KHDRBS3: variants seen among roughly 807,000 people sequenced by gnomAD.
KHDRBS3 encodes KH domain-containing, RNA-binding, signal transduction-associated protein 3.
KHDRBS3 carries 23 observed loss-of-function variants against 45.6 expected under a neutral mutation model. The observed-to-expected ratio is 0.50, with a 90% confidence interval of 0.36 to 0.72. The LOEUF is 0.72. Ranked by LOEUF, KHDRBS3 falls within the 30% of genes least tolerant of loss-of-function variation. KHDRBS3 has a pLI of 0.00. For synonymous variants in KHDRBS3, 162 were observed against 156.5 expected (o/e 1.04, Z -0.26); for missense variants, 352 against 424.8 (o/e 0.83, Z 1.51).
Position 135,578,523 on chromosome 8 carries a change from C to A in KHDRBS3, c.612-3355C>A, listed in dbSNP as rs979756965. Among the ~76,000 whole-genome samples, 14 of 151,920 alleles carry A rather than the reference C, an allele frequency of 9.2e-5. 1 individual carries two copies. The highest frequency in any genetic ancestry group is 8.5e-4 in the Admixed American group (13 of 15,254). ...TTGTCTTTGCTCCTTTGTCAGTAATCAGTTGACTGTATTTCTGAGGGTCAG... is the reference window on the plus strand; with the variant it reads ...TTGTCTTTGCTCCTTTGTCAGTAATAAGTTGACTGTATTTCTGAGGGTCAG... On this transcript the variant is annotated intron_variant, in intron 5 of 8. Transcript: ENST00000355849.
intron 7 of KHDRBS3, chr8:135,625,365 C>T: frequency 1.1e-6 from 1 of 901,266 alleles, no homozygotes; most frequent in Non-Finnish European, 1.9e-6. Context: ...TCCAAGTCTT[C>T]AACGGTAAGT....
At chr8:135,523,244 A>G (rs752874094) in intron 2 of KHDRBS3, among the ~76,000 whole-genome samples, 3 of 152,200 alleles carry the variant, frequency 2.0e-5, no homozygotes, top group Admixed American at 6.5e-5. Context: ...CTGTTGAGCA[A>G]TTTGTGGGAG....
intron 7 of KHDRBS3, among the ~76,000 whole-genome samples, chr8:135,637,597 C>T (rs1329356777): frequency 1.3e-5 from 2 of 152,036 alleles, no homozygotes; most frequent in African/African-American, 2.4e-5. Flanking sequence ...ATTTACTACC[C>T]CTTCGCCCAC....
intron 7 of KHDRBS3, chr8:135,625,415 C>G: frequency 1.3e-6 from 1 of 777,950 alleles, no homozygotes; most frequent in Non-Finnish European, 2.3e-6. Context: ...GCTGCCTCAT[C>G]GTGCCCATTG....
At chr8:135,584,776 T>C (rs1466719332) in intron 6 of KHDRBS3, among the ~76,000 whole-genome samples, 1 of 152,172 alleles carries the variant, frequency 6.6e-6, no homozygotes, top group Non-Finnish European at 1.5e-5. Flanking sequence ...AGTTTTCTAC[T>C]TCCAACTTTT....
At chr8:135,553,402 G>A (rs1019269073) in intron 4 of KHDRBS3, among the ~76,000 whole-genome samples, 2 of 151,464 alleles carry the variant, frequency 1.3e-5, no homozygotes, top group African/African-American at 2.4e-5. Flanking sequence ...GAAGTCGCAT[G>A]TCCTATTAGT....
In KHDRBS3 at chr8:135,590,611, T is replaced by C. The variant is rs112800348; in HGVS notation, c.807+8538T>C. Among the ~76,000 whole-genome samples the C allele has an allele frequency of 4.3e-3, 648 of 152,314 alleles. 11 individuals are homozygous for C. The highest frequency in any genetic ancestry group is 0.014 in the African/African-American group (590 of 41,570). Reference sequence around the variant, plus strand: ...GTTTTCATCAAATAGAAACCTTTAATTGAAAAGTAAGTTACAGAATAAACA... The same window carrying C: ...GTTTTCATCAAATAGAAACCTTTAACTGAAAAGTAAGTTACAGAATAAACA... On this transcript the variant is annotated intron_variant, in intron 6 of 8. Coordinates refer to ENST00000355849, the MANE Select transcript of KHDRBS3 (RefSeq NM_006558.3).
In KHDRBS3 at chr8:135,647,242, G is replaced by GAAT; in HGVS notation, c.*158_*159insAAT. ...CTACTTTGTTGAAACATCAACCTGG[G>GAAT]CAGAAAAAAAAAAAAAAAGACATGT... is the stretch of plus-strand genomic sequence containing the variant. On this transcript the variant is annotated 3_prime_UTR_variant, in exon 9 of 9. Coordinates refer to ENST00000355849, the MANE Select transcript of KHDRBS3 (RefSeq NM_006558.3). 1.7e-5 allele frequency: 3 copies of GAAT among 172,568 alleles called. No homozygotes were observed. The highest frequency in any genetic ancestry group is 1.9e-5 in the Non-Finnish European group (2 of 105,248). 10.7% of individuals were successfully genotyped at this position (172,568 alleles called of 1,614,324 possible).
chr8:135,458,748 T>A, intron 1 of KHDRBS3: 1 of 411,152 alleles, frequency 2.4e-6, no homozygotes, highest in South Asian at 1.8e-5. Flanking sequence ...GTGAAGGGAG[T>A]CCTTGCCATT....
intron 7 of KHDRBS3, among the ~76,000 whole-genome samples, chr8:135,637,482 G>A (rs937185945): frequency 3.9e-5 from 6 of 152,030 alleles, no homozygotes; most frequent in African/African-American, 9.7e-5. Context: ...TTATCATGAC[G>A]ATTACAGATA....
At chr8:135,566,506 T>C (rs1232466735) in intron 5 of KHDRBS3, among the ~76,000 whole-genome samples, 1 of 152,078 alleles carries the variant, frequency 6.6e-6, no homozygotes, top group East Asian at 1.9e-4. Context: ...AGTAGATCAG[T>C]TGATGAAAGA....
rs11993104 is a variant in KHDRBS3, at chr8:135,618,007, G to T, written c.890+10970G>T. 2.8e-4 allele frequency among the ~76,000 whole-genome samples: 42 copies of T among 152,116 alleles called. No homozygotes were observed. In the East Asian group the frequency reaches 8.0e-3, roughly 29 times the overall value. On this transcript the variant is annotated intron_variant, in intron 7 of 8. Transcript: ENST00000355849. ...GTCGGTGCCTGAATTCCCCAGAATC[G>T]ATTCATACCTCATTGTTAGACTCAC... is the stretch of plus-strand genomic sequence containing the variant.
chr8:135,590,223 C>T (rs373279544), intron 6 of KHDRBS3, among the ~76,000 whole-genome samples: 2 of 152,118 alleles, frequency 1.3e-5, no homozygotes, highest in South Asian at 2.1e-4. Context: ...TGTCTGTAAA[C>T]GTGTCTAAAC....
At chr8:135,572,624 A>G (rs1827757504) in intron 5 of KHDRBS3, among the ~76,000 whole-genome samples, 1 of 152,254 alleles carries the variant, frequency 6.6e-6, no homozygotes. Flanking sequence ...AGGGCCTGTT[A>G]GAAAAGCAGA....
chr8:135,565,987 T>C (rs1376867496), intron 5 of KHDRBS3, among the ~76,000 whole-genome samples: 1 of 152,244 alleles, frequency 6.6e-6, no homozygotes, highest in East Asian at 1.9e-4. Flanking sequence ...TAAGCTTATG[T>C]TGTTACACCA....
At chr8:135,562,834 A>G (rs1470819086) in intron 5 of KHDRBS3, among the ~76,000 whole-genome samples, 1 of 152,250 alleles carries the variant, frequency 6.6e-6, no homozygotes, top group African/African-American at 2.4e-5. Flanking sequence ...CATACAAAAG[A>G]AAAACATACT....
At chr8:135,475,238 ATTCTG>A (rs1822212896) in intron 1 of KHDRBS3, among the ~76,000 whole-genome samples, 2 of 152,176 alleles carry the variant, frequency 1.3e-5, no homozygotes, top group African/African-American at 4.8e-5. Flanking sequence ...GGGAGCCATT[ATTCTG>A]CCTACCACAG....
intron 1 of KHDRBS3, among the ~76,000 whole-genome samples, chr8:135,469,567 C>T (rs59003431): frequency 0.58 from 79,118 of 136,898 alleles, 23,173 homozygotes; most frequent in East Asian, 0.79. Context: ...CTCGCTTCTT[C>T]ACCCAGGCTG....
At chr8:135,612,583 A>G (rs11166606) in intron 7 of KHDRBS3, among the ~76,000 whole-genome samples, 131,248 of 151,760 alleles carry the variant, frequency 0.86, 57,060 homozygotes, top group East Asian at 1. Flanking sequence ...TTCAGGTTCC[A>G]TAAGATTTCA....
Sources: allele counts gnomAD v4.1 joint callset (sites outside exome capture counted in the v4.1 genomes callset), GRCh38; gene constraint gnomAD v4.1.1; transcripts MANE v1.5; gene names NCBI Gene and HGNC (gene_info 2026-07-23, HGNC 2026-07-21).